The following ANKS1B variants were observed in gnomAD, a reference collection of about 807,000 sequenced individuals.
ANKS1B encodes the protein ankyrin repeat and sterile alpha motif domain containing 1B.
ANKS1B carries 36 observed loss-of-function variants against 148.3 expected under a neutral mutation model. That is an observed-to-expected ratio of 0.24 (90% CI 0.19 to 0.32). ANKS1B has a LOEUF of 0.32. ANKS1B is among the 10% of genes least tolerant of loss of function. The pLI is 1.00. For synonymous variants in ANKS1B, 542 were observed against 560.8 expected, an observed-to-expected ratio of 0.97 and a Z score of 0.47; for missense variants, 1,157 against 1,542.6, an observed-to-expected ratio of 0.75 and a Z score of 4.19.
At chr12:99,043,815 C>A (rs138437060) in intron 17 of ANKS1B, among the ~76,000 whole-genome samples, 6 of 152,336 alleles carry the variant, frequency 3.9e-5, no homozygotes, top group South Asian at 2.1e-4. Flanking sequence ...GAATCTTATA[C>A]ACCTACCTCA....
intron 17 of ANKS1B, among the ~76,000 whole-genome samples, chr12:98,898,842 A>G (rs1475358357): frequency 6.6e-6 from 1 of 152,194 alleles, no homozygotes; most frequent in Non-Finnish European, 1.5e-5. Context: ...TGACCACTGT[A>G]ACCCAGTGAA....
At chr12:99,507,368 C>T (rs2096721804) in intron 9 of ANKS1B, among the ~76,000 whole-genome samples, 1 of 152,006 alleles carries the variant, frequency 6.6e-6, no homozygotes. Context: ...AATCACAAAG[C>T]ATGGGTTAAT....
Position 98,744,539 on chromosome 12 carries a change from G to A in ANKS1B, c.*1200C>T, listed in dbSNP as rs1006911078. ...TTGATTCTACATAAATATACATTAT[G>A]GTATCATACAAATACTCCACAGAGA... On this transcript the variant is annotated 3_prime_UTR_variant, in exon 27 of 27. Coordinates refer to ENST00000683438, the MANE Select transcript of ANKS1B (RefSeq NM_001352186.2). 1 of 575,458 alleles carries A rather than the reference G, an allele frequency of 1.7e-6. No individual in the cohort carries two copies. The highest frequency in any genetic ancestry group is 2.0e-5 in the African/African-American group (1 of 49,212). The allele number at this position is 575,458 out of a possible 1,614,324, so 35.6% of individuals were successfully genotyped here.
chr12:98,760,548 G>A (rs868213522), intron 25 of ANKS1B, among the ~76,000 whole-genome samples: 1 of 152,160 alleles, frequency 6.6e-6, no homozygotes, highest in South Asian at 2.1e-4. Flanking sequence ...AGAGGGCTGG[G>A]AACTACTTTC....
chr12:99,680,037 G>T (rs1389012681), intron 8 of ANKS1B, among the ~76,000 whole-genome samples: 1 of 152,204 alleles, frequency 6.6e-6, no homozygotes, highest in East Asian at 1.9e-4. Flanking sequence ...GGGAAAATCT[G>T]CCTCCAAACA....
At chr12:98,899,674 A>G (rs2099769493) in intron 17 of ANKS1B, among the ~76,000 whole-genome samples, 1 of 152,180 alleles carries the variant, frequency 6.6e-6, no homozygotes, top group African/African-American at 2.4e-5. Context: ...ACAATCATGT[A>G]AGCCAATTCC....
chr12:99,057,201 G>T (rs569791243), intron 16 of ANKS1B, among the ~76,000 whole-genome samples: 1 of 152,146 alleles, frequency 6.6e-6, no homozygotes, highest in Non-Finnish European at 1.5e-5. Context: ...CTTTCAGCCT[G>T]TTTCCTCTTT....
At chr12:99,121,321 A>ATGTGTATGTGTGTGTGTG (rs1555270006) in intron 15 of ANKS1B, among the ~76,000 whole-genome samples, 189 of 142,856 alleles carry the variant, frequency 1.3e-3, no homozygotes, top group African/African-American at 4.6e-3. Context: ...GTATGTAGGT[A>ATGTGTATGTGTGTGTGTG]TGTGTGTGTG....
chr12:99,132,889 A>T (rs2066579923), intron 15 of ANKS1B, among the ~76,000 whole-genome samples: 1 of 152,124 alleles, frequency 6.6e-6, no homozygotes, highest in African/African-American at 2.4e-5. Flanking sequence ...CCATTGTATG[A>T]GGTTGAGGAA....
intron 12 of ANKS1B, among the ~76,000 whole-genome samples, chr12:99,248,084 C>A (rs1187923902): frequency 1.3e-5 from 2 of 152,100 alleles, no homozygotes; most frequent in Non-Finnish European, 2.9e-5. Flanking sequence ...CCATAACAAT[C>A]CTATGAAGTG....
At chr12:99,838,728 G>A (rs2085242754) in intron 1 of ANKS1B, among the ~76,000 whole-genome samples, 1 of 151,832 alleles carries the variant, frequency 6.6e-6, no homozygotes, top group South Asian at 2.1e-4. Flanking sequence ...ATATTCTCTA[G>A]TATTTCTTCC....
chr12:99,588,347 TGAAA>T lies in ANKS1B; in HGVS notation c.1272+66716_1272+66719del, dbSNP rs940557404. Among the ~76,000 whole-genome samples, 20 of 152,294 alleles carry T rather than the reference TGAAA, an allele frequency of 1.3e-4. 1 individual carries two copies. Among genetic ancestry groups the T allele is most frequent in the Admixed American group, 1.3e-3 (20 of 15,302 alleles). On this transcript the variant is annotated intron_variant, in intron 9 of 26. Coordinates refer to ENST00000683438, the MANE Select transcript of ANKS1B (RefSeq NM_001352186.2). ...CTCTTTCTAAAGGATTTCTGGACTC[TGAAA>T]GAAAGTCTATGATGATTAATAAAAG... is the stretch of plus-strand genomic sequence containing the variant.
intron 11 of ANKS1B, among the ~76,000 whole-genome samples, chr12:99,438,092 T>A (rs867674960): frequency 6.0e-4 from 91 of 151,850 alleles, no homozygotes; most frequent in Admixed American, 4.7e-3. Context: ...ACAGTAAGAG[T>A]TGTCTTTCTT....
chr12:98,816,764 C>T (rs1258868475), intron 19 of ANKS1B, among the ~76,000 whole-genome samples: 1 of 152,024 alleles, frequency 6.6e-6, no homozygotes, highest in Non-Finnish European at 1.5e-5. Context: ...ATGAAAATTG[C>T]TTTCTCCGTG....
chr12:99,682,217 A>G (rs1456125826), intron 8 of ANKS1B, among the ~76,000 whole-genome samples: 5 of 152,236 alleles, frequency 3.3e-5, no homozygotes, highest in African/African-American at 1.2e-4. Flanking sequence ...TAGAAAGTCA[A>G]CAAAGAAACA....
At chr12:98,771,179 T>A (rs2098559482) in intron 25 of ANKS1B, among the ~76,000 whole-genome samples, 1 of 150,882 alleles carries the variant, frequency 6.6e-6, no homozygotes, top group Admixed American at 6.6e-5. Context: ...CAAGACCAAC[T>A]TTTTTTTTGA....
At chr12:99,092,053 G>T (rs1260846389) in intron 15 of ANKS1B, among the ~76,000 whole-genome samples, 1 of 152,174 alleles carries the variant, frequency 6.6e-6, no homozygotes, top group African/African-American at 2.4e-5. Context: ...AGAGAACTTG[G>T]AGAGCTGTCT....
chr12:99,553,166 C>T (rs997920727), intron 9 of ANKS1B, among the ~76,000 whole-genome samples: 1 of 152,066 alleles, frequency 6.6e-6, no homozygotes, highest in African/African-American at 2.4e-5. Context: ...CTCTGTAGGC[C>T]ACATAAATTT....
chr12:99,723,660 C>G, intron 8 of ANKS1B, among the ~76,000 whole-genome samples: 1 of 152,264 alleles, frequency 6.6e-6, no homozygotes, highest in South Asian at 2.1e-4. Flanking sequence ...CTTCATTAAA[C>G]GGGTCCTGCT....
Sources: allele counts gnomAD v4.1 joint callset (sites outside exome capture counted in the v4.1 genomes callset), GRCh38; gene constraint gnomAD v4.1.1; transcripts MANE v1.5; gene names NCBI Gene and HGNC (gene_info 2026-07-23, HGNC 2026-07-21).